Variants in TCF20 observed in about 807,000 individuals in gnomAD.
TCF20 encodes SPRE-binding protein.
In TCF20, 3 loss-of-function variants were observed where a neutral mutation model predicts 148.6. That is an observed-to-expected ratio of 0.02 (90% confidence interval 0.01 to 0.05). The LOEUF is 0.05. Among genes scored for constraint, TCF20 ranks in the 10% least tolerant of loss-of-function variants. The pLI is 1.00. For missense variants in TCF20, 2,350 were observed against 2,429.3 expected, an observed-to-expected ratio of 0.97 and a Z score of 0.69; for synonymous variants, 1,049 against 909.5, an observed-to-expected ratio of 1.15 and a Z score of -2.76.
At chr22:42,246,241 G>A (rs897836960) in intron 1 of TCF20, among the ~76,000 whole-genome samples, 7 of 152,066 alleles carry the variant, frequency 4.6e-5, no homozygotes, top group Admixed American at 2.0e-4. Flanking sequence ...TGTAGCTGGC[G>A]TTACAGGCGC....
chr22:42,211,450 G>T lies in TCF20; in HGVS notation c.3856C>A (p.His1286Asn). Residue 1286 changes from histidine to asparagine, a missense_variant, in exon 2 of 6, where the codon CAC becomes AAC. This residue lies in a region of TCF20 where 1,641 missense variants were observed against 1,662.6 expected (regional missense o/e 0.99). Coordinates refer to ENST00000677622, the MANE Select transcript of TCF20 (RefSeq NM_001378418.1). ...SSTEDKGRLL[H>N]SSKEGADKAF... is the part of the protein sequence containing the mutation. The stretch of plus-strand genomic sequence containing the variant: ...TTATCAGCGCCTTCTTTTGATGAGT[G>T]AAGGAGGCGACCTTTATCTTCAGTG... 1 of 1,614,180 alleles carries T rather than the reference G, an allele frequency of 6.2e-7. No individual in the cohort carries two copies. The highest frequency in any genetic ancestry group is 8.5e-7 in the Non-Finnish European group (1 of 1,180,028).
At chr22:42,169,740 T>G (rs1936005692) in intron 4 of TCF20, 107 bp downstream of exon 4, 3 of 1,152,118 alleles carry the variant, frequency 2.6e-6, no homozygotes, top group African/African-American at 1.5e-5. Flanking sequence ...GAGGCACAGG[T>G]GGGGACAGGT....
At position 42,211,667 on chromosome 22, in the gene TCF20, C is replaced by T. The variant is rs1920971367; in HGVS notation, c.3639G>A (p.Gly1213=). 1 of 1,614,196 alleles carries T rather than the reference C, an allele frequency of 6.2e-7. No homozygotes were observed. Among genetic ancestry groups the T allele is most frequent in the Non-Finnish European group, 8.5e-7 (1 of 1,180,040 alleles). Residue 1213 remains glycine, a synonymous_variant, in exon 2 of 6, where the codon GGG becomes GGA. Transcript: ENST00000677622. The part of the protein sequence containing the change: ...PPGMSSQKRY[G]PPHETDGHGL... ...CATGTCCATCAGTCTCATGGGGCGG[C>T]CCATACCTTTTTTGACTGGACATTC... is the stretch of plus-strand genomic sequence containing the variant.
At chr22:42,187,942 C>A (rs1321260098) in intron 2 of TCF20, among the ~76,000 whole-genome samples, 1 of 152,134 alleles carries the variant, frequency 6.6e-6, no homozygotes, top group African/African-American at 2.4e-5. Flanking sequence ...GGAAGGAGGT[C>A]TTTTCTCCAG....
At chr22:42,196,384 A>T (rs1336724796) in intron 2 of TCF20, among the ~76,000 whole-genome samples, 3 of 152,234 alleles carry the variant, frequency 2.0e-5, no homozygotes, top group African/African-American at 4.8e-5. Flanking sequence ...ACAAAGTCTT[A>T]TATCAGCAAA....
intron 1 of TCF20, among the ~76,000 whole-genome samples, chr22:42,238,160 A>G (rs1601640948): frequency 6.6e-6 from 1 of 152,356 alleles, no homozygotes; most frequent in East Asian, 1.9e-4. Flanking sequence ...CATCTTCTAG[A>G]TAACTTGCTG....
At chr22:42,224,283 A>G (rs1181920135) in intron 1 of TCF20, among the ~76,000 whole-genome samples, 1 of 152,074 alleles carries the variant, frequency 6.6e-6, no homozygotes, top group African/African-American at 2.4e-5. Context: ...CATCCTGGCT[A>G]ACACAGTGAA....
chr22:42,295,921 A>G (rs1327899837), intron 1 of TCF20, among the ~76,000 whole-genome samples: 5 of 152,192 alleles, frequency 3.3e-5, no homozygotes, highest in Admixed American at 3.3e-4. Flanking sequence ...CAGCGTGACC[A>G]GTTCCCACAT....
chr22:42,169,370 C>T (rs957394124), intron 4 of TCF20, among the ~76,000 whole-genome samples: 1 of 152,122 alleles, frequency 6.6e-6, no homozygotes, highest in Non-Finnish European at 1.5e-5. Flanking sequence ...AGCCCATCCA[C>T]TGTGCATCAG....
intron 1 of TCF20, among the ~76,000 whole-genome samples, chr22:42,289,980 G>A (rs760160685): frequency 1.3e-5 from 2 of 152,240 alleles, no homozygotes; most frequent in East Asian, 3.8e-4. Context: ...ACCGCTAATC[G>A]CCGTAATATT....
At chr22:42,249,438 GTTC>G (rs1265875635) in intron 1 of TCF20, among the ~76,000 whole-genome samples, 4 of 152,322 alleles carry the variant, frequency 2.6e-5, no homozygotes, top group African/African-American at 7.2e-5. Flanking sequence ...CTGAGTATCA[GTTC>G]TTCTTACTTT....
chr22:42,225,440 C>T (rs895576403), intron 1 of TCF20, among the ~76,000 whole-genome samples: 1 of 150,390 alleles, frequency 6.6e-6, no homozygotes, highest in African/African-American at 2.4e-5. Context: ...AGGTGAAACC[C>T]CGTCTCTACT....
At chr22:42,270,996 T>C (rs372045671), upstream of TCF20, among the ~76,000 whole-genome samples, 30 of 152,146 alleles carry the variant, frequency 2.0e-4, no homozygotes, top group East Asian at 5.3e-3. Flanking sequence ...CCGGAATCTC[T>C]CTGGGATTTC....
At chr22:42,332,490 A>C (rs1412704140) in intron 1 of TCF20, among the ~76,000 whole-genome samples, 2 of 152,146 alleles carry the variant, frequency 1.3e-5, no homozygotes, top group East Asian at 3.9e-4. Context: ...ATACCAGTTC[A>C]GCCAATTTCT....
chr22:42,193,660 T>G (rs1937453758), intron 2 of TCF20, among the ~76,000 whole-genome samples: 1 of 152,114 alleles, frequency 6.6e-6, no homozygotes, highest in Non-Finnish European at 1.5e-5. Context: ...TAGGACAGAT[T>G]TCATTTATCC....
chr22:42,316,545 C>T (rs187344917), intron 1 of TCF20, among the ~76,000 whole-genome samples: 2 of 152,300 alleles, frequency 1.3e-5, no homozygotes, highest in African/African-American at 4.8e-5. Context: ...TCAAGCGATT[C>T]GCCTGTCTCA....
At chr22:42,205,997 C>T (rs894159813) in intron 2 of TCF20, among the ~76,000 whole-genome samples, 2 of 152,100 alleles carry the variant, frequency 1.3e-5, no homozygotes, top group African/African-American at 4.8e-5. Context: ...TGGTCTTGAA[C>T]TCCTGACCTC....
intron 1 of TCF20, among the ~76,000 whole-genome samples, chr22:42,328,426 G>A (rs1927912043): frequency 6.6e-6 from 1 of 152,170 alleles, no homozygotes; most frequent in Non-Finnish European, 1.5e-5. Flanking sequence ...CAGCTCTAAG[G>A]CTCTAGCAGT....
intron 1 of TCF20, among the ~76,000 whole-genome samples, chr22:42,298,869 A>T (rs1927281340): frequency 6.6e-6 from 1 of 152,152 alleles, no homozygotes; most frequent in African/African-American, 2.4e-5. Context: ...GTCCAGAACC[A>T]GCGTGCCCAA....
Sources: allele counts gnomAD v4.1 joint callset (sites outside exome capture counted in the v4.1 genomes callset), GRCh38; gene constraint gnomAD v4.1.1; regional missense constraint gnomAD v4.1.1; transcripts MANE v1.5; gene names NCBI Gene and HGNC (gene_info 2026-07-23, HGNC 2026-07-21).